Variants in DYNC1I1 observed in about 807,000 individuals in gnomAD.
DYNC1I1 encodes dynein cytoplasmic 1 intermediate chain 1.
In DYNC1I1, 43 loss-of-function variants were observed where a neutral mutation model predicts 86.6. That is an observed-to-expected ratio of 0.50 (90% confidence interval 0.39 to 0.64). The LOEUF (loss-of-function observed/expected upper bound fraction) is 0.64. DYNC1I1 is among the 30% of genes least tolerant of loss of function. The pLI is 0.00. For missense variants in DYNC1I1, 604 were observed against 788.8 expected (o/e 0.77, Z 2.81); for synonymous variants, 262 against 283.7 (o/e 0.92, Z 0.77).
chr7:95,813,615 A>G lies in DYNC1I1; in HGVS notation c.314+278A>G, dbSNP rs112776325. Among the ~76,000 whole-genome samples, 697 of 152,216 alleles carry G rather than the reference A, an allele frequency of 4.6e-3. 7 individuals are homozygous for G. Among genetic ancestry groups the G allele is most frequent in the African/African-American group, 0.015 (633 of 41,556 alleles). On this transcript the variant is annotated intron_variant, in intron 4 of 16. Transcript: ENST00000447467. ...CACACATATCCATTAGCTTAGGCTT[A>G]AAAAAGGCAGGGAGAAGCCTTTTCA...
At chr7:95,881,797 A>G (rs1455048265) in intron 6 of DYNC1I1, among the ~76,000 whole-genome samples, 2 of 152,332 alleles carry the variant, frequency 1.3e-5, no homozygotes, top group Middle Eastern at 3.4e-3. Flanking sequence ...GCCCATTCAC[A>G]TTTCCTGATT....
At chr7:95,805,285 C>T (rs1794676993) in intron 2 of DYNC1I1, among the ~76,000 whole-genome samples, 1 of 151,998 alleles carries the variant, frequency 6.6e-6, no homozygotes, top group Non-Finnish European at 1.5e-5. Flanking sequence ...TTTGAAAAAT[C>T]TACCAGCAGG....
At chr7:95,863,255 TAGTG>T (rs1417196617) in intron 5 of DYNC1I1, among the ~76,000 whole-genome samples, 5 of 152,168 alleles carry the variant, frequency 3.3e-5, no homozygotes, top group Non-Finnish European at 5.9e-5. Flanking sequence ...TAAGTAAAAA[TAGTG>T]AGACAAAAAG....
Position 96,042,134 on chromosome 7 carries a change from C to T in DYNC1I1, c.1509+2713C>T, listed in dbSNP as rs921054998. On this transcript the variant is annotated intron_variant, in intron 14 of 16. Transcript: ENST00000447467. ...TAAACTACTTCTAGTACTCATATTG[C>T]TGGTTGTCATATTGCTACTGCTATC... 3.3e-5 allele frequency among the ~76,000 whole-genome samples: 5 copies of T among 152,004 alleles called. No homozygotes were observed. In the South Asian group the frequency reaches 8.3e-4, roughly 25 times the overall value.
intron 6 of DYNC1I1, among the ~76,000 whole-genome samples, chr7:95,888,087 C>T (rs75861604): frequency 0.025 from 3,776 of 152,164 alleles, 132 homozygotes; most frequent in African/African-American, 0.078. Flanking sequence ...GTTAGTACTC[C>T]AAAGACTAAT....
intron 6 of DYNC1I1, among the ~76,000 whole-genome samples, chr7:95,892,286 A>C (rs1258097478): frequency 1.3e-5 from 2 of 151,442 alleles, no homozygotes; most frequent in African/African-American, 4.9e-5. Context: ...AAAAGCACAC[A>C]CTGGCCCACG....
rs1584181370 is a variant in DYNC1I1, at chr7:95,940,359, G to A, written c.491-37153G>A. 2.0e-5 allele frequency among the ~76,000 whole-genome samples: 3 copies of A among 151,984 alleles called. No homozygotes were observed. In the South Asian group the frequency reaches 6.3e-4, roughly 32 times the overall value. On this transcript the variant is annotated intron_variant, in intron 6 of 16. Coordinates refer to ENST00000447467, the MANE Select transcript of DYNC1I1 (RefSeq NM_001135556.2). ...AATGTTGGCCTGCCTTGCTAGATTGGGGAAGTTCTCCTGGATAATATCCTG... is the reference window on the plus strand; with the variant it reads ...AATGTTGGCCTGCCTTGCTAGATTGAGGAAGTTCTCCTGGATAATATCCTG...
At position 95,951,529 on chromosome 7, in the gene DYNC1I1, T is replaced by C. The variant is rs560373471; in HGVS notation, c.491-25983T>C. On this transcript the variant is annotated intron_variant, in intron 6 of 16. Coordinates refer to ENST00000447467, the MANE Select transcript of DYNC1I1 (RefSeq NM_001135556.2). The stretch of plus-strand genomic sequence containing the variant: ...TTTTCTTTCTTTCCTTCATTACCTA[T>C]AGTTTTCTGTTACCACTTGAAACAA... Among the ~76,000 whole-genome samples, 5 of 152,322 alleles carry C rather than the reference T, an allele frequency of 3.3e-5. No individual in the cohort carries two copies. In the East Asian group the frequency reaches 9.6e-4, roughly 29 times the overall value.
chr7:95,788,477 G>C (rs1794206310), intron 1 of DYNC1I1, among the ~76,000 whole-genome samples: 1 of 152,194 alleles, frequency 6.6e-6, no homozygotes, highest in Non-Finnish European at 1.5e-5. Context: ...TGAAGCCAGA[G>C]TCCAGGGAAC....
chr7:96,003,307 G>A (rs1794061398), intron 10 of DYNC1I1, among the ~76,000 whole-genome samples: 1 of 152,170 alleles, frequency 6.6e-6, no homozygotes, highest in South Asian at 2.1e-4. Context: ...GAACCCTCTT[G>A]TACCTACGTA....
chr7:95,791,081 A>G (rs900531002), intron 1 of DYNC1I1, among the ~76,000 whole-genome samples: 4 of 152,222 alleles, frequency 2.6e-5, no homozygotes, highest in African/African-American at 9.6e-5. Context: ...AGCATGTGTA[A>G]TGCTGATCTA....
chr7:95,832,328 A>AT (rs1788932217), intron 5 of DYNC1I1, among the ~76,000 whole-genome samples: 1 of 150,776 alleles, frequency 6.6e-6, no homozygotes, highest in Non-Finnish European at 1.5e-5. Flanking sequence ...ATAGTATTCC[A>AT]TGGTGTATAT....
intron 5 of DYNC1I1, among the ~76,000 whole-genome samples, chr7:95,863,324 G>A (rs1384872029): frequency 6.6e-6 from 1 of 152,042 alleles, no homozygotes; most frequent in Non-Finnish European, 1.5e-5. Context: ...CATATTATTA[G>A]TGGTTGTCAA....
chr7:96,061,013 G>T (rs570606752), intron 14 of DYNC1I1, among the ~76,000 whole-genome samples: 1 of 152,176 alleles, frequency 6.6e-6, no homozygotes, highest in African/African-American at 2.4e-5. Flanking sequence ...AGAGGGGATT[G>T]TGGGGTGAGG....
At chr7:95,816,757 T>C (rs1794955774) in intron 4 of DYNC1I1, among the ~76,000 whole-genome samples, 1 of 152,204 alleles carries the variant, frequency 6.6e-6, no homozygotes, top group South Asian at 2.1e-4. Flanking sequence ...TATTTTAGTA[T>C]AGGAAAATGT....
intron 5 of DYNC1I1, among the ~76,000 whole-genome samples, chr7:95,868,956 G>A (rs1423346979): frequency 1.4e-5 from 2 of 142,274 alleles, no homozygotes; most frequent in African/African-American, 5.6e-5. Flanking sequence ...GTCTCAGGAG[G>A]CACTTCGATT....
chr7:95,926,935 C>G (rs972415048), intron 6 of DYNC1I1, among the ~76,000 whole-genome samples: 6 of 152,130 alleles, frequency 3.9e-5, no homozygotes, highest in Non-Finnish European at 8.8e-5. Context: ...TGTGTTCAAA[C>G]TAGTTTTTTC....
intron 5 of DYNC1I1, among the ~76,000 whole-genome samples, chr7:95,838,024 C>A (rs557439771): frequency 6.6e-6 from 1 of 152,300 alleles, no homozygotes; most frequent in East Asian, 1.9e-4. Flanking sequence ...TGTGCAGAAG[C>A]TTTTTAGCTT....
intron 6 of DYNC1I1, among the ~76,000 whole-genome samples, chr7:95,932,882 T>TA (rs946471141): frequency 2.0e-5 from 3 of 149,104 alleles, no homozygotes; most frequent in African/African-American, 5.0e-5. Context: ...TTTTTTAATT[T>TA]TTTTTTTTTT....
Sources: gnomAD v4.1 joint callset for allele counts (sites outside exome capture counted in the v4.1 genomes callset) on GRCh38, gnomAD v4.1.1 for gene constraint, MANE v1.5 for transcripts, NCBI Gene and HGNC (gene_info 2026-07-23, HGNC 2026-07-21) for gene names.